The following PHACTR3 variants were observed in gnomAD, a reference collection of about 807,000 sequenced individuals.
The protein encoded by PHACTR3 is protein phosphatase 1, regulatory subunit 123.
A neutral mutation model predicts 66.8 loss-of-function variants in PHACTR3; 16 were observed. The ratio of observed to expected loss-of-function variants is 0.24; its 90% CI spans 0.16 to 0.36. The LOEUF is 0.36. Among genes scored for constraint, PHACTR3 ranks in the 10% least tolerant of loss-of-function variants. The pLI is 1.00. For synonymous variants in PHACTR3, 323 were observed against 292.1 expected (o/e 1.11, Z -1.08); for missense variants, 647 against 719.9 (o/e 0.90, Z 1.16).
In PHACTR3 at chr20:59,840,722, T is replaced by C. The variant is rs538399946; in HGVS notation, c.1446+292T>C. Among the ~76,000 whole-genome samples, 38 of 152,364 alleles carry C rather than the reference T, an allele frequency of 2.5e-4. No homozygotes were observed. In the South Asian group the frequency reaches 7.7e-3, roughly 31 times the overall value. The stretch of plus-strand genomic sequence containing the variant: ...GTGGAAGCCAGAAGTTGATTGGCAT[T>C]TTCTTAATTTACAGTGTCTAGGAAA... On this transcript the variant is annotated intron_variant, in intron 10 of 12. Coordinates refer to ENST00000371015, the MANE Select transcript of PHACTR3 (RefSeq NM_080672.5).
intron 7 of PHACTR3, among the ~76,000 whole-genome samples, chr20:59,791,880 T>C (rs2041113449): frequency 6.6e-6 from 1 of 152,110 alleles, no homozygotes; most frequent in African/African-American, 2.4e-5. Context: ...GGAGCCCCAG[T>C]GCTACTGGTT....
At chr20:59,664,329 C>T (rs1200339815) in intron 1 of PHACTR3, among the ~76,000 whole-genome samples, 1 of 152,130 alleles carries the variant, frequency 6.6e-6, no homozygotes, top group African/African-American at 2.4e-5. Flanking sequence ...TATCCTTGTT[C>T]CTTGCATCAA....
At chr20:59,620,508 C>A (rs1951923353) in intron 1 of PHACTR3, among the ~76,000 whole-genome samples, 2 of 152,158 alleles carry the variant, frequency 1.3e-5, no homozygotes, top group Non-Finnish European at 2.9e-5. Flanking sequence ...TTGAAGAGTG[C>A]TTTCAGTTAT....
At chr20:59,704,734 A>G (rs915175323) in intron 1 of PHACTR3, among the ~76,000 whole-genome samples, 4 of 151,498 alleles carry the variant, frequency 2.6e-5, no homozygotes, top group African/African-American at 9.7e-5. Context: ...ATATTCTAAT[A>G]TCCAGCCAAA....
intron 1 of PHACTR3, among the ~76,000 whole-genome samples, chr20:59,608,661 C>A (rs2033748172): frequency 6.6e-6 from 1 of 152,178 alleles, no homozygotes; most frequent in Admixed American, 6.5e-5. Flanking sequence ...CACCAGCCAT[C>A]CCCTGTCCCT....
At chr20:59,705,600 G>A (rs116501367) in intron 1 of PHACTR3, among the ~76,000 whole-genome samples, 131 of 152,256 alleles carry the variant, frequency 8.6e-4, no homozygotes, top group African/African-American at 2.9e-3. Flanking sequence ...TTCTCTGAGT[G>A]TAGATTGGTT....
intron 7 of PHACTR3, among the ~76,000 whole-genome samples, chr20:59,789,440 C>G (rs1232696884): frequency 1.3e-5 from 2 of 151,126 alleles, no homozygotes; most frequent in Non-Finnish European, 2.9e-5. Flanking sequence ...GTTGGGAGTT[C>G]AGCTCAAACA....
At chr20:59,789,674 T>C (rs1032555859) in intron 7 of PHACTR3, among the ~76,000 whole-genome samples, 1 of 152,242 alleles carries the variant, frequency 6.6e-6, no homozygotes, top group Non-Finnish European at 1.5e-5. Flanking sequence ...ATGGAAGTTC[T>C]AGAATTAAAA....
intron 9 of PHACTR3, among the ~76,000 whole-genome samples, chr20:59,838,597 A>G (rs187391433): frequency 2.6e-5 from 4 of 152,288 alleles, no homozygotes; most frequent in African/African-American, 9.6e-5. Flanking sequence ...TGAGGTTTGC[A>G]CTTTTTAATA....
In PHACTR3 at chr20:59,604,978, C is replaced by A. The variant is rs2146331668; in HGVS notation, c.-37C>A. 7.9e-7 allele frequency: 1 copy of A among 1,270,792 alleles called. No homozygotes were observed. Among genetic ancestry groups the A allele is most frequent in the East Asian group, 3.2e-5 (1 of 31,664 alleles). The allele number at this position is 1,270,792 out of a possible 1,614,324, so 78.7% of individuals were successfully genotyped here. A position where few individuals can be genotyped will look rare whatever the true frequency, so the allele number is the denominator to read the frequency against. ...CCGCCTCGGATGCTCTGATTCCACGCGGCTCGCTCTAACTTGCCCCCGCGC... is the reference window on the plus strand; with the variant it reads ...CCGCCTCGGATGCTCTGATTCCACGAGGCTCGCTCTAACTTGCCCCCGCGC... On this transcript the variant is annotated 5_prime_UTR_variant, in exon 1 of 13. Transcript: ENST00000371015.
At chr20:59,811,490 C>T (rs1887411) in intron 8 of PHACTR3, among the ~76,000 whole-genome samples, 24,678 of 152,094 alleles carry the variant, frequency 0.16, 3,716 homozygotes, top group East Asian at 0.4. Context: ...GAAACCTCGT[C>T]TCTACTGAAA....
At chr20:59,682,233 G>A (rs566066761) in intron 1 of PHACTR3, among the ~76,000 whole-genome samples, 1 of 151,580 alleles carries the variant, frequency 6.6e-6, no homozygotes, top group Admixed American at 6.6e-5. Flanking sequence ...CCAGCTACTC[G>A]GCAGGCTGAG....
At chr20:59,795,161 G>C (rs1219582610) in intron 7 of PHACTR3, among the ~76,000 whole-genome samples, 1 of 151,986 alleles carries the variant, frequency 6.6e-6, no homozygotes, top group East Asian at 1.9e-4. Flanking sequence ...TGCTTTTGCT[G>C]TATCTCATAG....
chr20:59,748,404 T>C (rs1193842347), intron 3 of PHACTR3, among the ~76,000 whole-genome samples: 1 of 152,098 alleles, frequency 6.6e-6, no homozygotes, highest in East Asian at 1.9e-4. Context: ...CCCCAAGTCA[T>C]TGCAGCCTGA....
chr20:59,635,260 G>A (rs573886465), intron 1 of PHACTR3, among the ~76,000 whole-genome samples: 46 of 112,762 alleles, frequency 4.1e-4, no homozygotes, highest in Non-Finnish European at 6.1e-4. Flanking sequence ...TTGAGATAGA[G>A]TTTTGCTCTT....
rs1417180474 is a variant in PHACTR3 at position 59,736,786 on chromosome 20, G to A, written c.119-6321G>A. Among the ~76,000 whole-genome samples, 1 of 152,136 alleles carries A rather than the reference G, an allele frequency of 6.6e-6. No homozygotes were observed. The highest frequency in any genetic ancestry group is 1.5e-5 in the Non-Finnish European group (1 of 68,014). On this transcript the variant is annotated intron_variant, in intron 1 of 12. Transcript: ENST00000371015. This position sits in a 1 kb window ranked among gnomAD's most constrained non-coding sequence, Gnocchi z 4.6. ...ACTATTTTGAAGTTTCTCTTCTTGG[G>A]CGGAGAGTCATAGCTCTCACAAGCC... is the stretch of plus-strand genomic sequence containing the variant.
At chr20:59,780,278 A>C (rs1337035192) in intron 7 of PHACTR3, among the ~76,000 whole-genome samples, 1 of 152,234 alleles carries the variant, frequency 6.6e-6, no homozygotes, top group East Asian at 1.9e-4. Flanking sequence ...TAAGGACAGC[A>C]CAGGCCCTCC....
chr20:59,826,515 G>A (rs2042195846), intron 8 of PHACTR3, among the ~76,000 whole-genome samples: 1 of 150,632 alleles, frequency 6.6e-6, no homozygotes, highest in Non-Finnish European at 1.5e-5. Flanking sequence ...GGCATTACAG[G>A]GCACATGCTG....
rs897412982 is a variant in PHACTR3 at position 59,820,675 on chromosome 20, C to T, written c.1328+14481C>T. ...GTGTCAATATGAAGTGGCCCTGTCC[C>T]TGCTGAGGGCTCCAGGGAGGGTCAG... On this transcript the variant is annotated intron_variant, in intron 8 of 12. Transcript: ENST00000371015. The surrounding 1 kb of genome is among the most constrained non-coding windows in gnomAD (Gnocchi z 4.6). Among the ~76,000 whole-genome samples the T allele has an allele frequency of 6.6e-6, 1 of 152,196 alleles. No individual in the cohort carries two copies. The highest frequency in any genetic ancestry group is 1.5e-5 in the Non-Finnish European group (1 of 68,036).
Sources: gnomAD v4.1 joint callset for allele counts (sites outside exome capture counted in the v4.1 genomes callset) on GRCh38, gnomAD v4.1.1 for gene constraint, Gnocchi (gnomAD v3.1) non-coding constraint, MANE v1.5 for transcripts, NCBI Gene and HGNC (gene_info 2026-07-23, HGNC 2026-07-21) for gene names.